SPAG16: variants seen among roughly 807,000 people sequenced by gnomAD.
SPAG16 encodes sperm-associated antigen 16 protein.
Under a neutral mutation model 80.4 loss-of-function variants are expected in SPAG16, and 86 were observed. The observed-to-expected ratio is 1.07, with a 90% CI of 0.90 to 1.28. The LOEUF is 1.28. Ranked by LOEUF, SPAG16 falls within the 50% of genes most tolerant of loss-of-function variation. The pLI, the probability that SPAG16 is intolerant of heterozygous loss-of-function variation, is 0.00. For missense variants in SPAG16, 870 were observed against 765.3 expected (o/e 1.14, Z -1.61); for synonymous variants, 294 against 265.9 (o/e 1.11, Z -1.03).
chr2:213,907,536 T>C (rs578023435), intron 11 of SPAG16, among the ~76,000 whole-genome samples: 104 of 152,232 alleles, frequency 6.8e-4, no homozygotes, highest in African/African-American at 2.4e-3. Context: ...CTACTGGTTA[T>C]TTATTCAAAG....
At chr2:213,492,366 C>A (rs1365736095) in intron 10 of SPAG16, among the ~76,000 whole-genome samples, 1 of 151,950 alleles carries the variant, frequency 6.6e-6, no homozygotes, top group Non-Finnish European at 1.5e-5. Context: ...CTGGCTAACA[C>A]AGTGAAACCC....
At chr2:214,233,646 T>G (rs1353432012) in intron 15 of SPAG16, among the ~76,000 whole-genome samples, 1 of 152,100 alleles carries the variant, frequency 6.6e-6, no homozygotes, top group Non-Finnish European at 1.5e-5. Context: ...CAATTCTTTG[T>G]GCATCAGGGT....
intron 5 of SPAG16, among the ~76,000 whole-genome samples, chr2:213,336,543 C>T (rs2064368931): frequency 6.6e-6 from 1 of 152,206 alleles, no homozygotes; most frequent in Admixed American, 6.5e-5. Flanking sequence ...GCCATTGTCC[C>T]CTGCTGTAGG....
At chr2:213,726,447 T>TA (rs2066773662) in intron 10 of SPAG16, among the ~76,000 whole-genome samples, 1 of 152,144 alleles carries the variant, frequency 6.6e-6, no homozygotes, top group African/African-American at 2.4e-5. Flanking sequence ...CAAAGCATAT[T>TA]AATGTGTTTA....
chr2:213,310,324 ACAC>A, intron 4 of SPAG16, 147 bp downstream of exon 4: 1 of 768 alleles, frequency 1.3e-3, no homozygotes, highest in Non-Finnish European at 2.9e-3. Flanking sequence ...ACCACAACAC[ACAC>A]ACACACACAC....
intron 15 of SPAG16, among the ~76,000 whole-genome samples, chr2:214,290,091 A>C (rs1367596693): frequency 6.6e-6 from 1 of 151,742 alleles, no homozygotes; most frequent in Non-Finnish European, 1.5e-5. Flanking sequence ...ATTCAATGTC[A>C]CTACTCACAA....
chr2:213,801,176 C>A (rs2071371799), intron 10 of SPAG16, among the ~76,000 whole-genome samples: 1 of 152,140 alleles, frequency 6.6e-6, no homozygotes, highest in African/African-American at 2.4e-5. Flanking sequence ...ACAATGAAAA[C>A]AATAATAAAC....
At chr2:213,367,784 C>G (rs1192344031) in intron 8 of SPAG16, among the ~76,000 whole-genome samples, 2 of 146,898 alleles carry the variant, frequency 1.4e-5, no homozygotes, top group East Asian at 3.9e-4. Flanking sequence ...AGAAGCTCTT[C>G]AGTTTAATTA....
chr2:213,986,891 C>CAAAAAAAAAAAAAAAAAAA (rs369965944), intron 12 of SPAG16, among the ~76,000 whole-genome samples: 1 of 57,642 alleles, frequency 1.7e-5, no homozygotes, highest in African/African-American at 5.2e-5. Context: ...TCTGGTATAG[C>CAAAAAAAAAAAAAAAAAAA]AAAAAAAAAA....
chr2:213,980,642 T>C (rs1313998651), intron 12 of SPAG16, among the ~76,000 whole-genome samples: 1 of 145,096 alleles, frequency 6.9e-6, no homozygotes, highest in Non-Finnish European at 1.5e-5. Flanking sequence ...TGTGTGTATA[T>C]ATATAGAATA....
intron 10 of SPAG16, among the ~76,000 whole-genome samples, chr2:213,652,438 T>A: frequency 6.6e-6 from 1 of 152,306 alleles, no homozygotes; most frequent in Non-Finnish European, 1.5e-5. Context: ...TTGAACATGC[T>A]TTAATACACA....
chr2:214,315,485 C>G (rs907648492), intron 15 of SPAG16, among the ~76,000 whole-genome samples: 5 of 151,006 alleles, frequency 3.3e-5, no homozygotes, highest in Admixed American at 3.3e-4. Flanking sequence ...ATTCTTCCCC[C>G]CTCCAGCCCC....
At chr2:213,949,535 A>G (rs2079642861) in intron 12 of SPAG16, among the ~76,000 whole-genome samples, 1 of 152,176 alleles carries the variant, frequency 6.6e-6, no homozygotes, top group Non-Finnish European at 1.5e-5. Flanking sequence ...AATTAAAAAC[A>G]TTTTGCCAAA....
chr2:213,638,173 T>C (rs1201258685), intron 10 of SPAG16, among the ~76,000 whole-genome samples: 2 of 152,236 alleles, frequency 1.3e-5, no homozygotes, highest in African/African-American at 4.8e-5. Context: ...CTATCAATTG[T>C]GTTTATCTTT....
At chr2:213,456,392 G>T (rs756260238) in intron 9 of SPAG16, among the ~76,000 whole-genome samples, 1 of 152,138 alleles carries the variant, frequency 6.6e-6, no homozygotes, top group Non-Finnish European at 1.5e-5. Flanking sequence ...AGTGTGTGTG[G>T]CTAGGGAAAC....
intron 15 of SPAG16, among the ~76,000 whole-genome samples, chr2:214,158,001 CA>C (rs2056287905): frequency 1.5e-5 from 1 of 67,086 alleles, no homozygotes; most frequent in Non-Finnish European, 5.8e-5. Context: ...ATGTCTCCAT[CA>C]GAAAAGGACA....
intron 10 of SPAG16, among the ~76,000 whole-genome samples, chr2:213,734,175 G>T (rs1044456637): frequency 6.6e-6 from 1 of 152,108 alleles, no homozygotes; most frequent in Admixed American, 6.5e-5. Context: ...ATTCTTGATC[G>T]AGTGATGGGA....
intron 10 of SPAG16, among the ~76,000 whole-genome samples, chr2:213,622,682 T>C (rs1340508357): frequency 2.0e-5 from 3 of 152,188 alleles, no homozygotes; most frequent in Non-Finnish European, 4.4e-5. Flanking sequence ...TCACCTTTAT[T>C]AGACTGTCAC....
chr2:213,801,480 T>A (rs1048032088), intron 10 of SPAG16, among the ~76,000 whole-genome samples: 2 of 152,230 alleles, frequency 1.3e-5, no homozygotes, highest in African/African-American at 4.8e-5. Flanking sequence ...GTCAAATATA[T>A]ATTTTGCAAA....
Sources: allele counts gnomAD v4.1 joint callset (sites outside exome capture counted in the v4.1 genomes callset), GRCh38; gene constraint gnomAD v4.1.1; transcripts MANE v1.5; gene names NCBI Gene and HGNC (gene_info 2026-07-23, HGNC 2026-07-21).